Variants in ITFG1 observed in about 807,000 individuals in gnomAD.
ITFG1 encodes the protein integrin alpha FG-GAP repeat containing 1.
ITFG1 carries 34 observed loss-of-function variants against 81.8 expected under a neutral mutation model. That is an observed-to-expected ratio of 0.42 (90% CI 0.32 to 0.55). The LOEUF (loss-of-function observed/expected upper bound fraction) is 0.55, where lower values mean the gene tolerates loss of function less well. Ranked by LOEUF, ITFG1 falls within the 20% of genes least tolerant of loss-of-function variation. The pLI is 0.17. For synonymous variants in ITFG1, 285 were observed against 270.6 expected (o/e 1.05, Z -0.52); for missense variants, 672 against 755.4 (o/e 0.89, Z 1.29).
chr16:47,443,192 A>C (rs573247474), intron 5 of ITFG1, among the ~76,000 whole-genome samples: 38 of 152,334 alleles, frequency 2.5e-4, no homozygotes, highest in Admixed American at 1.2e-3. Context: ...TCAAAACCAC[A>C]ATGAGATACC....
chr16:47,293,040 TA>T (rs1966928737), intron 10 of ITFG1, among the ~76,000 whole-genome samples: 1 of 148,730 alleles, frequency 6.7e-6, no homozygotes, highest in African/African-American at 2.5e-5. Flanking sequence ...ATATATATGA[TA>T]TATATATCAT....
At chr16:47,226,217 G>T (rs76301347) in intron 13 of ITFG1, among the ~76,000 whole-genome samples, 9 of 152,032 alleles carry the variant, frequency 5.9e-5, no homozygotes, top group East Asian at 3.9e-4. Flanking sequence ...TAACTTTTTT[G>T]TGTGTGTGTG....
intron 2 of ITFG1, among the ~76,000 whole-genome samples, chr16:47,457,035 T>C (rs1969462629): frequency 6.6e-6 from 1 of 152,044 alleles, no homozygotes; most frequent in South Asian, 2.1e-4. Context: ...TAGGGCAAGC[T>C]GCACAAAAAA....
At chr16:47,448,263 AG>A (rs1969346495) in intron 5 of ITFG1, 1 of 152,220 alleles carries the variant, frequency 6.6e-6, no homozygotes, top group African/African-American at 2.4e-5. Flanking sequence ...GTAAAACTGA[AG>A]GGTGATTTAA....
chr16:47,185,466 A>G (rs1192691140), intron 14 of ITFG1, among the ~76,000 whole-genome samples: 1 of 152,182 alleles, frequency 6.6e-6, no homozygotes, highest in African/African-American at 2.4e-5. Flanking sequence ...CTCACTCAAA[A>G]CCGCTCAACT....
At chr16:47,184,457 G>T (rs917173176) in intron 14 of ITFG1, among the ~76,000 whole-genome samples, 1 of 152,188 alleles carries the variant, frequency 6.6e-6, no homozygotes, top group Non-Finnish European at 1.5e-5. Flanking sequence ...AGCCAGAAGA[G>T]AGTGGGGGCC....
chr16:47,383,504 A>T (rs1429478960), intron 6 of ITFG1, among the ~76,000 whole-genome samples: 1 of 152,222 alleles, frequency 6.6e-6, no homozygotes, highest in African/African-American at 2.4e-5. Flanking sequence ...AAGATGTTAC[A>T]CTTTCTAGTT....
At chr16:47,256,436 T>C (rs780671842) in intron 12 of ITFG1, among the ~76,000 whole-genome samples, 2 of 152,158 alleles carry the variant, frequency 1.3e-5, no homozygotes, top group African/African-American at 2.4e-5. Flanking sequence ...ACATACACAA[T>C]TAGGTTAGCA....
chr16:47,253,539 C>A (rs1966103231), intron 12 of ITFG1, among the ~76,000 whole-genome samples: 1 of 152,184 alleles, frequency 6.6e-6, no homozygotes, highest in African/African-American at 2.4e-5. Flanking sequence ...TGGTCCCCAA[C>A]CTTTCTGGCA....
intron 1 of ITFG1, among the ~76,000 whole-genome samples, chr16:47,460,125 CA>C (rs1969509417): frequency 6.6e-6 from 1 of 152,188 alleles, no homozygotes; most frequent in Non-Finnish European, 1.5e-5. Context: ...AGAAAGTAGA[CA>C]TTTGGAACAC....
chr16:47,319,605 A>C (rs1225628804), intron 8 of ITFG1, among the ~76,000 whole-genome samples: 1 of 152,094 alleles, frequency 6.6e-6, no homozygotes, highest in African/African-American at 2.4e-5. Flanking sequence ...AGACTTACTA[A>C]AATTATTGTT....
chr16:47,408,879 A>C (rs1235785587), intron 6 of ITFG1, among the ~76,000 whole-genome samples: 1 of 152,162 alleles, frequency 6.6e-6, no homozygotes, highest in Non-Finnish European at 1.5e-5. Context: ...GGTTTTGTTT[A>C]TGTGATCTAT....
At chr16:47,348,035 G>A (rs1967885608) in intron 8 of ITFG1, among the ~76,000 whole-genome samples, 1 of 152,066 alleles carries the variant, frequency 6.6e-6, no homozygotes, top group African/African-American at 2.4e-5. Context: ...AAACAGAAAG[G>A]ACATCCACAC....
chr16:47,202,766 C>T lies in ITFG1; in HGVS notation c.1453+16102G>A, dbSNP rs75605700. Among the ~76,000 whole-genome samples the T allele has an allele frequency of 2.5e-4, 38 of 152,192 alleles. No individual in the cohort carries two copies. The East Asian group carries it at 6.2e-3, about 25-fold the overall frequency. ...AAATGGCCAATAAGCAAATACAATACGTGCAATATTGGGAAAATGCAAATC... is the reference window on the plus strand; with the variant it reads ...AAATGGCCAATAAGCAAATACAATATGTGCAATATTGGGAAAATGCAAATC... On this transcript the variant is annotated intron_variant, in intron 14 of 17. Coordinates refer to ENST00000320640, the MANE Select transcript of ITFG1 (RefSeq NM_030790.5).
chr16:47,200,332 G>T (rs1965410161), intron 14 of ITFG1, among the ~76,000 whole-genome samples: 1 of 152,060 alleles, frequency 6.6e-6, no homozygotes. Flanking sequence ...AATTCAGAGG[G>T]GCCACTGCTA....
intron 6 of ITFG1, among the ~76,000 whole-genome samples, chr16:47,401,198 G>C (rs1167570061): frequency 6.6e-6 from 1 of 152,156 alleles, no homozygotes; most frequent in African/African-American, 2.4e-5. Flanking sequence ...GAGGAGTCAA[G>C]AGTGACTCTT....
At chr16:47,451,031 C>G (rs182296290) in intron 5 of ITFG1, among the ~76,000 whole-genome samples, 3 of 152,274 alleles carry the variant, frequency 2.0e-5, no homozygotes, top group Admixed American at 2.0e-4. Context: ...CAAATCTTAT[C>G]AATTAAAGTC....
intron 8 of ITFG1, among the ~76,000 whole-genome samples, chr16:47,339,362 A>G (rs191274976): frequency 1.0e-3 from 157 of 152,222 alleles, no homozygotes; most frequent in African/African-American, 3.6e-3. Context: ...TTCCTGAGGA[A>G]CCTCCGAACT....
chr16:47,180,704 G>A (rs1965098179), intron 14 of ITFG1, among the ~76,000 whole-genome samples: 1 of 152,172 alleles, frequency 6.6e-6, no homozygotes, highest in South Asian at 2.1e-4. Flanking sequence ...GCCCAGGCTG[G>A]GGTGCAGTGG....
Sources: allele counts gnomAD v4.1 joint callset (sites outside exome capture counted in the v4.1 genomes callset), GRCh38; gene constraint gnomAD v4.1.1; transcripts MANE v1.5; gene names NCBI Gene and HGNC (gene_info 2026-07-23, HGNC 2026-07-21).